Variants in TPR observed in about 807,000 individuals in gnomAD.
The protein encoded by TPR is nucleoprotein TPR.
Under a neutral mutation model 316.1 loss-of-function variants are expected in TPR, and 51 were observed. The observed-to-expected ratio is 0.16, with a 90% CI of 0.13 to 0.20. The LOEUF (loss-of-function observed/expected upper bound fraction) is 0.20. Among genes scored for constraint, TPR ranks in the 10% least tolerant of loss-of-function variants. The pLI, the probability that TPR is intolerant of heterozygous loss-of-function variation, is 1.00. For missense variants in TPR, 2,272 were observed against 2,754.8 expected (o/e 0.82, Z 3.92); for synonymous variants, 981 against 914.7 (o/e 1.07, Z -1.31).
In TPR at chr1:186,370,981, T is replaced by C; in HGVS notation, c.319A>G (p.Ile107Val). The C allele has an allele frequency of 6.2e-7, 1 of 1,612,754 alleles. No individual in the cohort carries two copies. The highest frequency in any genetic ancestry group is 8.5e-7 in the Non-Finnish European group (1 of 1,179,232). Reference sequence around the variant, plus strand: ...GAAATATCTCTTACCTGAATGGCAATATTGCGATCCTGAGCAATTTCAAGT... The same window carrying C: ...GAAATATCTCTTACCTGAATGGCAACATTGCGATCCTGAGCAATTTCAAGT... ...KELEIAQDRN[I>V]AIQSQFTRTK... The change falls in exon 3 of 51, where the codon ATT becomes GTT. Residue 107 changes from isoleucine (I) to valine (V), a missense_variant. By Grantham distance (29) the Ile-to-Val change is conservative. This residue lies in a region of TPR where 549 missense variants were observed against 598.6 expected (regional missense o/e 0.92). Coordinates refer to ENST00000367478, the MANE Select transcript of TPR (RefSeq NM_003292.3).
chr1:186,343,021 T>G (rs971493567), intron 27 of TPR: 2 of 225,918 alleles, frequency 8.9e-6, no homozygotes, highest in African/African-American at 4.5e-5. Flanking sequence ...GTGCACAAAC[T>G]CAATTAAACC....
In TPR at chr1:186,346,200, C is replaced by T. The variant is rs1325404593; in HGVS notation, c.3031G>A (p.Val1011Ile). 4.3e-6 allele frequency: 7 copies of T among 1,613,244 alleles called. No individual in the cohort carries two copies. The highest frequency in any genetic ancestry group is 5.9e-6 in the Non-Finnish European group (7 of 1,179,698). ...TGAAGTTCTTGTTTTTCCTTCTCTA[C>T]TTCCATCAACTTCTTTTCCAACTGT... ...QTQLEKKLMEVEKEKQELQDD... is the reference protein window; with the variant it reads ...QTQLEKKLMEIEKEKQELQDD... Residue 1011 changes from valine (V) to isoleucine (I), a missense_variant, in exon 23 of 51, where the codon GTA becomes ATA. Transcript: ENST00000367478.
At position 186,317,604 on chromosome 1, in the gene TPR, A is replaced by C; in HGVS notation, c.6822-4T>G. 1.9e-6 allele frequency: 3 copies of C among 1,612,526 alleles called. No homozygotes were observed. Among genetic ancestry groups the C allele is most frequent in the Non-Finnish European group, 1.7e-6 (2 of 1,178,894 alleles). ...TAGGCCTGCTTCTGAACTAATACTA[A>C]GGAAAAGAAAAATGAGAAAATACAA... is the stretch of plus-strand genomic sequence containing the variant. On this transcript the variant is annotated splice_region_variant and splice_polypyrimidine_tract_variant and intron_variant, in intron 48 of 50. Coordinates refer to ENST00000367478, the MANE Select transcript of TPR (RefSeq NM_003292.3).
intron 9 of TPR, 92 bp downstream of exon 9, chr1:186,361,530 C>T (rs930640228): frequency 7.9e-7 from 1 of 1,260,382 alleles, no homozygotes; most frequent in Non-Finnish European, 1.1e-6. Context: ...TAAAGTCTAA[C>T]ACCTAAATCC....
intron 13 of TPR, among the ~76,000 whole-genome samples, chr1:186,358,039 C>G (rs370760454): frequency 6.6e-6 from 1 of 151,990 alleles, no homozygotes. Flanking sequence ...TTGTGCATTG[C>G]GTGGATGTAC....
At chr1:186,337,915 CAT>C (rs756923014) in intron 31 of TPR, 116 bp downstream of exon 31, 511 of 825,970 alleles carry the variant, frequency 6.2e-4, no homozygotes, top group Non-Finnish European at 8.6e-4. Context: ...ATAAAGATAT[CAT>C]ATATGCTTAC....
At position 186,374,868 on chromosome 1, in the gene TPR, T is replaced by C. The variant is rs777876012; in HGVS notation, c.151+10A>G. On this transcript the variant is annotated intron_variant, in intron 1 of 50. Transcript: ENST00000367478. ...CCCAAAACCAAGGACGGAAAGAGCA[T>C]CTCACTTACCGCTCTCCACCTTAAA... 6.3e-7 allele frequency: 1 copy of C among 1,587,854 alleles called. No individual in the cohort carries two copies. The highest frequency in any genetic ancestry group is 1.3e-5 in the African/African-American group (1 of 74,256).
chr1:186,340,568 A>G (rs191299150), intron 29 of TPR, among the ~76,000 whole-genome samples: 52 of 152,056 alleles, frequency 3.4e-4, no homozygotes, highest in Admixed American at 1.6e-3. Context: ...AGTAGATGGG[A>G]CTACAGGCAT....
intron 3 of TPR, among the ~76,000 whole-genome samples, chr1:186,369,311 C>T (rs1659449570): frequency 6.6e-6 from 1 of 152,012 alleles, no homozygotes; most frequent in South Asian, 2.1e-4. Context: ...GGAATTCTGA[C>T]AGGATTGGCC....
At position 186,355,638 on chromosome 1, in the gene TPR, T is replaced by C. The variant is rs201126588; in HGVS notation, c.2019A>G (p.Lys673=). 1.2e-5 allele frequency: 20 copies of C among 1,614,016 alleles called. No individual in the cohort carries two copies. Among genetic ancestry groups the C allele is most frequent in the South Asian group, 1.1e-5 (1 of 91,080 alleles). ...AGGACAAAGGTGTGATCTTTACCTG[T>C]TTAAGGGCAGCCTTAGCCTCTATAG... ...TEAIEAKAAL[K]QLQEIFENYK... Residue 673 remains lysine (K), a synonymous_variant, in exon 16 of 51, where the codon AAA becomes AAG. Coordinates refer to ENST00000367478, the MANE Select transcript of TPR (RefSeq NM_003292.3).
In TPR at chr1:186,336,674, T is replaced by C. The variant is rs1395894490; in HGVS notation, c.4527A>G (p.Thr1509=). The C allele has an allele frequency of 4.3e-6, 7 of 1,613,404 alleles. No individual in the cohort carries two copies. The highest frequency in any genetic ancestry group is 1.7e-5 in the Admixed American group (1 of 59,874). Reference sequence around the variant, plus strand: ...TCTGTTCCTGGAGATTTCTTGCTTCTGTCTCTTTTTCAGATAATGTCTTTA... The same window carrying C: ...TCTGTTCCTGGAGATTTCTTGCTTCCGTCTCTTTTTCAGATAATGTCTTTA... The part of the protein sequence containing the change: ...NLQKTLSEKE[T]EARNLQEQTV... The change falls in exon 33 of 51, where the codon ACA becomes ACG. Residue 1509 remains threonine, a synonymous_variant. Transcript: ENST00000367478.
intron 49 of TPR, among the ~76,000 whole-genome samples, chr1:186,316,166 G>A (rs1464909408): frequency 2.0e-5 from 3 of 151,874 alleles, no homozygotes; most frequent in African/African-American, 7.3e-5. Flanking sequence ...TTTATGGGAC[G>A]TCAAAATATA....
chr1:186,348,102 C>A (rs1176392092), intron 21 of TPR, among the ~76,000 whole-genome samples: 1 of 152,108 alleles, frequency 6.6e-6, no homozygotes, highest in Non-Finnish European at 1.5e-5. Context: ...TAAGGTCTGA[C>A]TGTTTGTGGG....
chr1:186,336,322 G>GA (rs1293228453), intron 33 of TPR, among the ~76,000 whole-genome samples, 174 bp downstream of exon 33: 1 of 152,106 alleles, frequency 6.6e-6, no homozygotes, highest in Non-Finnish European at 1.5e-5. Flanking sequence ...CTCATCACTT[G>GA]AAAATTAGGA....
intron 13 of TPR, among the ~76,000 whole-genome samples, chr1:186,357,934 T>G (rs1482956730): frequency 6.6e-6 from 1 of 152,174 alleles, no homozygotes; most frequent in Non-Finnish European, 1.5e-5. Flanking sequence ...TATTTTTTTG[T>G]GTGTGCTTTT....
rs1264230535 is a variant in TPR at position 186,323,835 on chromosome 1, A to G, written c.6148T>C (p.Ser2050Pro). The change falls in exon 43 of 51, where the codon TCT (serine) becomes CCT (proline). Residue 2050 changes from serine to proline, a missense_variant. Transcript: ENST00000367478. ...GNTGAAESSF[S>P]QEVSREQQPS... ...TGTTGTTCTCTAGAAACCTCCTGAG[A>G]AAAAGAAGATTCTGCAGCACCTGTA... The G allele has an allele frequency of 6.4e-7, 1 of 1,551,182 alleles. No homozygotes were observed. Among genetic ancestry groups the G allele is most frequent in the Non-Finnish European group, 8.6e-7 (1 of 1,157,744 alleles).
rs775932002 is a variant in TPR at position 186,336,697 on chromosome 1, T to A, written c.4507-3A>T. On this transcript the variant is annotated splice_region_variant and splice_polypyrimidine_tract_variant and intron_variant, in intron 32 of 50. Coordinates refer to ENST00000367478, the MANE Select transcript of TPR (RefSeq NM_003292.3). ...TCTGTCTCTTTTTCAGATAATGTCT[T>A]TAAAGGAAAACAAAGTATTCACCAT... 1.9e-6 allele frequency: 3 copies of A among 1,611,620 alleles called. No homozygotes were observed.
chr1:186,359,427 A>C (rs181242284), intron 12 of TPR, among the ~76,000 whole-genome samples: 1 of 152,214 alleles, frequency 6.6e-6, no homozygotes, highest in African/African-American at 2.4e-5. Flanking sequence ...GCAGGCTATT[A>C]CAACTGTCTG....
chr1:186,349,477 C>A (rs1658785907), intron 21 of TPR, among the ~76,000 whole-genome samples: 1 of 151,276 alleles, frequency 6.6e-6, no homozygotes, highest in African/African-American at 2.4e-5. Context: ...CATGGAGAAA[C>A]CCCATCTCTA....
Sources: allele counts gnomAD v4.1 joint callset (sites outside exome capture counted in the v4.1 genomes callset), GRCh38; gene constraint gnomAD v4.1.1; regional missense constraint gnomAD v4.1.1; transcripts MANE v1.5; gene names NCBI Gene and HGNC (gene_info 2026-07-23, HGNC 2026-07-21).